The following MALRD1 variants were observed in gnomAD, a reference collection of about 807,000 sequenced individuals.
MALRD1 encodes the protein MAM and LDL-receptor class A domain-containing protein 1.
Under a neutral mutation model 242.1 loss-of-function variants are expected in MALRD1, and 247 were observed. The ratio of observed to expected loss-of-function variants is 1.02; its 90% confidence interval spans 0.92 to 1.13. The LOEUF (loss-of-function observed/expected upper bound fraction) is 1.13. MALRD1 is among the 50% of genes most tolerant of loss of function. MALRD1 has a pLI of 0.00. For synonymous variants in MALRD1, 995 were observed against 866.6 expected (o/e 1.15, Z -2.60); for missense variants, 2,989 against 2,533.1 (o/e 1.18, Z -3.86).
chr10:19,149,642 T>C (rs1048521882), intron 11 of MALRD1, among the ~76,000 whole-genome samples: 2 of 152,202 alleles, frequency 1.3e-5, no homozygotes, highest in African/African-American at 2.4e-5. Flanking sequence ...CTTATGGCAG[T>C]TGCTCCAAGT....
intron 36 of MALRD1, among the ~76,000 whole-genome samples, chr10:19,679,864 T>C (rs1842294818): frequency 6.6e-6 from 1 of 152,194 alleles, no homozygotes; most frequent in Non-Finnish European, 1.5e-5. Flanking sequence ...TTTGTTCTCA[T>C]TGGTTTCAAA....
chr10:19,730,692 C>A lies in MALRD1; in HGVS notation c.6315-14C>A. On this transcript the variant is annotated splice_polypyrimidine_tract_variant and intron_variant, in intron 38 of 39. Coordinates refer to ENST00000454679, the MANE Select transcript of MALRD1 (RefSeq NM_001142308.3). ...CAATAGTTTTTTATTTTTGATGGCC[C>A]TGTGTGCTTTAAGGAAAACCGAGGG... 6.5e-7 allele frequency: 1 copy of A among 1,536,374 alleles called. No homozygotes were observed.
chr10:19,216,950 A>C (rs1237935000), intron 18 of MALRD1, among the ~76,000 whole-genome samples: 3 of 115,658 alleles, frequency 2.6e-5, no homozygotes, highest in Admixed American at 9.6e-5. Context: ...CGTCTCAAAA[A>C]AAAAAAAATA....
At chr10:19,614,883 G>A (rs898678660) in intron 35 of MALRD1, among the ~76,000 whole-genome samples, 1 of 151,986 alleles carries the variant, frequency 6.6e-6, no homozygotes, top group Non-Finnish European at 1.5e-5. Context: ...TGCCTGCCAT[G>A]ACATGAGGAC....
intron 25 of MALRD1, among the ~76,000 whole-genome samples, chr10:19,351,064 C>A (rs1844354949): frequency 6.6e-6 from 1 of 152,184 alleles, no homozygotes; most frequent in South Asian, 2.1e-4. Flanking sequence ...CTCACCCATT[C>A]TTGGTTGATC....
At chr10:19,131,500 C>A (rs1833105589) in intron 8 of MALRD1, among the ~76,000 whole-genome samples, 1 of 152,132 alleles carries the variant, frequency 6.6e-6, no homozygotes, top group Admixed American at 6.6e-5. Context: ...ATACTCATAG[C>A]AACAGCCTAC....
intron 19 of MALRD1, among the ~76,000 whole-genome samples, chr10:19,262,629 C>T (rs1839799550): frequency 6.7e-6 from 1 of 148,892 alleles, no homozygotes; most frequent in East Asian, 2.0e-4. Context: ...GCACTCCAGC[C>T]TGCGCGACAG....
intron 38 of MALRD1, among the ~76,000 whole-genome samples, chr10:19,725,140 A>G (rs1834960288): frequency 6.6e-6 from 1 of 152,198 alleles, no homozygotes; most frequent in Admixed American, 6.5e-5. Context: ...TCGAGACGTT[A>G]ATACTAACTA....
At position 19,671,642 on chromosome 10, in the gene MALRD1, A is replaced by G. The variant is rs982701478; in HGVS notation, c.6138-20640A>G. On this transcript the variant is annotated intron_variant, in intron 36 of 39. Coordinates refer to ENST00000454679, the MANE Select transcript of MALRD1 (RefSeq NM_001142308.3). ...CTCCGTCTCAAAAAAATAAATAATAAATAAATATTTATCGCTACAAACACC... is the reference window on the plus strand; with the variant it reads ...CTCCGTCTCAAAAAAATAAATAATAGATAAATATTTATCGCTACAAACACC... Among the ~76,000 whole-genome samples the G allele has an allele frequency of 2.0e-5, 3 of 152,278 alleles. No individual in the cohort carries two copies. The East Asian group carries it at 5.8e-4, about 29-fold the overall frequency.
At chr10:19,119,552 T>C (rs1420643354) in intron 5 of MALRD1, among the ~76,000 whole-genome samples, 1 of 152,106 alleles carries the variant, frequency 6.6e-6, no homozygotes, top group African/African-American at 2.4e-5. Context: ...AGTCGGTTCC[T>C]GGGTTGAGGC....
intron 28 of MALRD1, among the ~76,000 whole-genome samples, chr10:19,425,172 T>A (rs1432923467): frequency 6.6e-6 from 1 of 152,236 alleles, no homozygotes; most frequent in African/African-American, 2.4e-5. Flanking sequence ...TAGCAGCTAT[T>A]AAATGACAAT....
At chr10:19,395,688 A>G (rs1204854767) in intron 28 of MALRD1, among the ~76,000 whole-genome samples, 12 of 152,230 alleles carry the variant, frequency 7.9e-5, no homozygotes, top group Admixed American at 6.5e-4. Context: ...CCAGAGTTTA[A>G]TTCAGTTAGT....
chr10:19,511,030 A>G lies in MALRD1; in HGVS notation c.5320+12384A>G, dbSNP rs117658546. Among the ~76,000 whole-genome samples the G allele has an allele frequency of 9.2e-4, 140 of 152,330 alleles. 4 individuals carry two copies. The East Asian group carries it at 0.026, about 28-fold the overall frequency. On this transcript the variant is annotated intron_variant, in intron 31 of 39. Transcript: ENST00000454679. ...TTATCAAGAGAATTTAAAGAAATGTACTGGGCAGCCATAGCCTTTGCAATA... is the reference window on the plus strand; with the variant it reads ...TTATCAAGAGAATTTAAAGAAATGTGCTGGGCAGCCATAGCCTTTGCAATA...
chr10:19,288,829 G>C (rs935550101), intron 21 of MALRD1, among the ~76,000 whole-genome samples: 4 of 152,042 alleles, frequency 2.6e-5, no homozygotes, highest in Non-Finnish European at 5.9e-5. Context: ...CCCAGACTCT[G>C]TAGCTGCTGC....
intron 31 of MALRD1, among the ~76,000 whole-genome samples, chr10:19,525,627 C>A (rs2131330419): frequency 6.6e-6 from 1 of 152,148 alleles, no homozygotes; most frequent in East Asian, 1.9e-4. Flanking sequence ...AATTAAGATG[C>A]AAAATGTAAA....
chr10:19,678,553 C>T (rs1842231158), intron 36 of MALRD1, among the ~76,000 whole-genome samples: 1 of 152,124 alleles, frequency 6.6e-6, no homozygotes, highest in Non-Finnish European at 1.5e-5. Flanking sequence ...TGCATTTCAG[C>T]TTAAGAAGCT....
At chr10:19,383,887 G>A (rs758423634) in intron 26 of MALRD1, among the ~76,000 whole-genome samples, 12 of 151,864 alleles carry the variant, frequency 7.9e-5, no homozygotes, top group Non-Finnish European at 1.2e-4. Flanking sequence ...ATTTAAGCAA[G>A]GAATTAAAGT....
intron 19 of MALRD1, among the ~76,000 whole-genome samples, chr10:19,271,904 G>A (rs118126983): frequency 0.033 from 5,080 of 152,234 alleles, 111 homozygotes; most frequent in Middle Eastern, 0.055. Flanking sequence ...TACTCACCTT[G>A]AGAGATGAGC....
intron 26 of MALRD1, among the ~76,000 whole-genome samples, chr10:19,372,751 A>G (rs554536491): frequency 5.1e-4 from 77 of 152,262 alleles, no homozygotes; most frequent in South Asian, 3.3e-3. Flanking sequence ...TACAGGTGTG[A>G]GCCACAGTGC....
Sources: allele counts gnomAD v4.1 joint callset (sites outside exome capture counted in the v4.1 genomes callset), GRCh38; gene constraint gnomAD v4.1.1; transcripts MANE v1.5; gene names NCBI Gene and HGNC (gene_info 2026-07-23, HGNC 2026-07-21).